Variants in CSMD1 observed in about 807,000 individuals in gnomAD.
The protein encoded by CSMD1 is CUB and sushi domain-containing protein 1.
In CSMD1, 213 loss-of-function variants were observed where a neutral mutation model predicts 417.5. The ratio of observed to expected loss-of-function variants is 0.51; its 90% confidence interval spans 0.46 to 0.57. The LOEUF (loss-of-function observed/expected upper bound fraction) is 0.57. Among genes scored for constraint, CSMD1 ranks in the 20% least tolerant of loss-of-function variants. CSMD1 has a pLI of 0.00. For synonymous variants in CSMD1, 2,862 were observed against 1,736.8 expected, an observed-to-expected ratio of 1.65 and a Z score of -16.11; for missense variants, 6,923 against 4,529.7, an observed-to-expected ratio of 1.53 and a Z score of -15.17.
intron 4 of CSMD1, among the ~76,000 whole-genome samples, chr8:4,012,232 G>C (rs897337360): frequency 3.3e-5 from 5 of 151,936 alleles, no homozygotes; most frequent in African/African-American, 9.7e-5. Flanking sequence ...CGTCTCTTTA[G>C]ATACTACTCT....
At chr8:4,981,132 A>C (rs1810867142) in intron 1 of CSMD1, among the ~76,000 whole-genome samples, 1 of 151,408 alleles carries the variant, frequency 6.6e-6, no homozygotes, top group Non-Finnish European at 1.5e-5. Flanking sequence ...TCTGTACCTG[A>C]AAATGGGATC....
chr8:4,711,745 T>A (rs554721710), intron 1 of CSMD1, among the ~76,000 whole-genome samples: 84 of 152,256 alleles, frequency 5.5e-4, no homozygotes, highest in African/African-American at 1.9e-3. Context: ...TTCAGTTTGG[T>A]GTGTTTATGT....
intron 37 of CSMD1, among the ~76,000 whole-genome samples, chr8:3,170,900 G>T (rs1019389998): frequency 2.0e-5 from 3 of 152,176 alleles, no homozygotes; most frequent in Non-Finnish European, 4.4e-5. Flanking sequence ...CAACACACTT[G>T]GGTGATGAAC....
At chr8:4,921,745 T>C (rs1806512701) in intron 1 of CSMD1, among the ~76,000 whole-genome samples, 1 of 152,202 alleles carries the variant, frequency 6.6e-6, no homozygotes, top group South Asian at 2.1e-4. Context: ...TGTTCCTTGT[T>C]GTTCTGAGTA....
intron 11 of CSMD1, among the ~76,000 whole-genome samples, chr8:3,472,301 C>G (rs968428785): frequency 2.0e-5 from 3 of 152,080 alleles, no homozygotes; most frequent in Non-Finnish European, 4.4e-5. Flanking sequence ...TCTTGCTGAC[C>G]ACACTGCAAC....
At chr8:4,320,465 T>C (rs1173057886) in intron 3 of CSMD1, among the ~76,000 whole-genome samples, 1 of 152,050 alleles carries the variant, frequency 6.6e-6, no homozygotes, top group Non-Finnish European at 1.5e-5. Flanking sequence ...CCTATCAACC[T>C]GCGATCTACA....
intron 1 of CSMD1, among the ~76,000 whole-genome samples, chr8:4,728,220 A>G (rs939133045): frequency 1.3e-5 from 2 of 148,926 alleles, no homozygotes; most frequent in Admixed American, 6.7e-5. Context: ...TTTGGTATAT[A>G]TAAGTGTGAT....
chr8:3,747,652 G>A (rs1193141482), intron 6 of CSMD1, among the ~76,000 whole-genome samples: 1 of 151,804 alleles, frequency 6.6e-6, no homozygotes, highest in African/African-American at 2.4e-5. Context: ...CATCTCCTCT[G>A]GACGTTCTCT....
rs141654248 is a variant in CSMD1 at position 4,435,457 on chromosome 8, G to C, written c.303-15392C>G. On this transcript the variant is annotated intron_variant, in intron 2 of 69. Transcript: ENST00000635120. ...TCTAGTTTTGTTAAACTTATCACTG[G>C]TTTCCACAGAAAATCTTTGGAAGCC... Among the ~76,000 whole-genome samples, 195 of 152,234 alleles carry C rather than the reference G, an allele frequency of 1.3e-3. 1 individual carries two copies. The highest frequency in any genetic ancestry group is 4.3e-3 in the African/African-American group (180 of 41,542).
chr8:4,751,406 G>T (rs868497422), intron 1 of CSMD1, among the ~76,000 whole-genome samples: 3 of 152,000 alleles, frequency 2.0e-5, no homozygotes, highest in Non-Finnish European at 4.4e-5. Context: ...GGGTGGCGGG[G>T]CAGGAAAAGA....
At chr8:4,775,228 T>C (rs1000536488) in intron 1 of CSMD1, among the ~76,000 whole-genome samples, 1 of 152,086 alleles carries the variant, frequency 6.6e-6, no homozygotes, top group Non-Finnish European at 1.5e-5. Context: ...ATCACTAAAA[T>C]AGGAAAAATA....
At chr8:3,696,477 G>T (rs951877403) in intron 7 of CSMD1, among the ~76,000 whole-genome samples, 2 of 152,180 alleles carry the variant, frequency 1.3e-5, no homozygotes, top group African/African-American at 2.4e-5. Flanking sequence ...TAATGCAAAT[G>T]CAGTGAACCC....
chr8:4,663,828 C>T (rs556680240), intron 1 of CSMD1, among the ~76,000 whole-genome samples: 22 of 152,266 alleles, frequency 1.4e-4, no homozygotes, highest in Non-Finnish European at 2.5e-4. Context: ...AGAACAAATC[C>T]AGGATCGTCA....
intron 18 of CSMD1, among the ~76,000 whole-genome samples, chr8:3,369,989 T>C (rs185555308): frequency 2.0e-5 from 3 of 152,292 alleles, no homozygotes; most frequent in East Asian, 3.9e-4. Flanking sequence ...ATCCATCTCA[T>C]GGATAGGTGT....
At chr8:4,909,083 T>G (rs61275510) in intron 1 of CSMD1, among the ~76,000 whole-genome samples, 3 of 151,946 alleles carry the variant, frequency 2.0e-5, no homozygotes, top group Admixed American at 6.6e-5. Flanking sequence ...GGACTAGGAG[T>G]TGGATTATGT....
intron 5 of CSMD1, among the ~76,000 whole-genome samples, chr8:3,995,158 C>T (rs1437794653): frequency 1.3e-5 from 2 of 152,144 alleles, no homozygotes; most frequent in African/African-American, 4.8e-5. Flanking sequence ...TCATATTATG[C>T]ATTTGTATAG....
intron 3 of CSMD1, among the ~76,000 whole-genome samples, chr8:4,365,940 T>G (rs189316112): frequency 6.6e-6 from 1 of 152,286 alleles, no homozygotes; most frequent in East Asian, 1.9e-4. Flanking sequence ...TTTGAAAATG[T>G]TTTTAGGTTC....
At chr8:4,050,639 A>G (rs1280818430) in intron 3 of CSMD1, among the ~76,000 whole-genome samples, 1 of 152,100 alleles carries the variant, frequency 6.6e-6, no homozygotes, top group African/African-American at 2.4e-5. Flanking sequence ...GCTATCAAAT[A>G]CTAGATCTTA....
intron 3 of CSMD1, among the ~76,000 whole-genome samples, chr8:4,321,124 A>T (rs766613883): frequency 6.6e-6 from 1 of 152,140 alleles, no homozygotes; most frequent in African/African-American, 2.4e-5. Flanking sequence ...TAAATCAATC[A>T]AAGGCAGGAA....
Sources: allele counts gnomAD v4.1 joint callset (sites outside exome capture counted in the v4.1 genomes callset), GRCh38; gene constraint gnomAD v4.1.1; transcripts MANE v1.5; gene names NCBI Gene and HGNC (gene_info 2026-07-23, HGNC 2026-07-21).